Variants in PSME4 observed in about 807,000 individuals in gnomAD.
PSME4 encodes the protein proteasome activator complex subunit 4.
Under a neutral mutation model 253.9 loss-of-function variants are expected in PSME4, and 89 were observed. The ratio of observed to expected loss-of-function variants is 0.35; its 90% CI spans 0.30 to 0.42. PSME4 has a LOEUF of 0.42. Ranked by LOEUF, PSME4 falls within the 10% of genes least tolerant of loss-of-function variation. The pLI is 1.00. For synonymous variants in PSME4, 851 were observed against 759.2 expected (o/e 1.12, Z -1.99); for missense variants, 2,014 against 2,195.2 (o/e 0.92, Z 1.65).
intron 40 of PSME4, among the ~76,000 whole-genome samples, chr2:53,886,191 T>C (rs879874936): frequency 1.3e-5 from 2 of 152,172 alleles, no homozygotes; most frequent in Non-Finnish European, 2.9e-5. Flanking sequence ...GAGGATCCCT[T>C]GAGCTCAGGA....
In PSME4 at chr2:53,934,690, A is replaced by C; in HGVS notation, c.872T>G (p.Val291Gly). Reference sequence around the variant, plus strand: ...TGGGACTAACACTTGACTGCTTCCCACTGGGAGGTTCAAGCTTCTCAGAAT... The same window carrying C: ...TGGGACTAACACTTGACTGCTTCCCCCTGGGAGGTTCAAGCTTCTCAGAAT... ...TRILRSLNLP[V>G]GSSQVLVPRF... Residue 291 changes from valine to glycine, a missense_variant, in exon 8 of 47, where the codon GTG (valine) becomes GGG (glycine). By Grantham distance (109) the Val-to-Gly change is moderately radical. Transcript: ENST00000404125. 6.2e-7 allele frequency: 1 copy of C among 1,604,184 alleles called. No individual in the cohort carries two copies. Among genetic ancestry groups the C allele is most frequent in the Non-Finnish European group, 8.5e-7 (1 of 1,171,328 alleles).
At chr2:53,925,463 G>A in intron 14 of PSME4, 76 bp downstream of exon 14, 5 of 1,295,840 alleles carry the variant, frequency 3.9e-6, no homozygotes, top group Non-Finnish European at 5.2e-6. Context: ...TATACACAAA[G>A]TAACTTGAAG....
intron 3 of PSME4, among the ~76,000 whole-genome samples, chr2:53,941,938 G>C (rs1669474646): frequency 6.6e-6 from 1 of 152,074 alleles, no homozygotes; most frequent in South Asian, 2.1e-4. Context: ...GTCATAAAAG[G>C]CTGCAAAGCT....
chr2:53,906,532 G>T (rs539862127), intron 26 of PSME4, 66 bp downstream of exon 26: 159 of 1,428,194 alleles, frequency 1.1e-4, no homozygotes, highest in Non-Finnish European at 1.4e-4. Flanking sequence ...TCTTAAAAGG[G>T]GGATATTAAG....
chr2:53,890,239 T>G, intron 36 of PSME4, 31 bp from the exon 37 acceptor site: 1 of 1,422,166 alleles, frequency 7.0e-7, no homozygotes, highest in Non-Finnish European at 9.9e-7. Flanking sequence ...GGGTAAGAGT[T>G]AATGACACTC....
At chr2:53,946,264 G>A (rs1309821421) in intron 3 of PSME4, among the ~76,000 whole-genome samples, 4 of 152,234 alleles carry the variant, frequency 2.6e-5, no homozygotes, top group Non-Finnish European at 4.4e-5. Context: ...CTGAAGAACA[G>A]GGTATCACTG....
intron 27 of PSME4, among the ~76,000 whole-genome samples, chr2:53,902,111 G>C (rs745804968): frequency 6.6e-6 from 1 of 152,074 alleles, no homozygotes; most frequent in Non-Finnish European, 1.5e-5. Context: ...TACTAATAAG[G>C]TAATAAAGAA....
intron 34 of PSME4, among the ~76,000 whole-genome samples, chr2:53,894,023 A>G (rs907544355): frequency 2.6e-5 from 4 of 152,186 alleles, no homozygotes; most frequent in African/African-American, 9.7e-5. Flanking sequence ...TTTGAATCCT[A>G]TTTCTCACAC....
intron 20 of PSME4, among the ~76,000 whole-genome samples, chr2:53,911,624 G>C (rs1244517954): frequency 6.6e-6 from 1 of 151,492 alleles, no homozygotes; most frequent in Non-Finnish European, 1.5e-5. Flanking sequence ...GGAAGTGCTT[G>C]CTATGAGCCA....
chr2:53,962,051 G>A (rs901760577), intron 1 of PSME4, among the ~76,000 whole-genome samples: 1 of 152,138 alleles, frequency 6.6e-6, no homozygotes, highest in Admixed American at 6.5e-5. Flanking sequence ...AAGAGGAACA[G>A]GCTATGACCT....
At chr2:53,952,674 C>G (rs1002523270) in intron 1 of PSME4, among the ~76,000 whole-genome samples, 9 of 152,180 alleles carry the variant, frequency 5.9e-5, no homozygotes, top group Non-Finnish European at 1.2e-4. Flanking sequence ...CTTTTTGGTA[C>G]CAGGGAGAAT....
In PSME4 at chr2:53,899,612, G is replaced by C. The variant is rs1452074361; in HGVS notation, c.3422+269C>G. Among the ~76,000 whole-genome samples the C allele has an allele frequency of 2.0e-5, 3 of 151,810 alleles. No individual in the cohort carries two copies. The East Asian group carries it at 5.9e-4, about 30-fold the overall frequency. On this transcript the variant is annotated intron_variant, in intron 29 of 46. Coordinates refer to ENST00000404125, the MANE Select transcript of PSME4 (RefSeq NM_014614.3). ...GTGGGCAGATCACTTGAGGCCAGGAGTTCGAGACCCGCCTGGCCAATGTGG... is the reference window on the plus strand; with the variant it reads ...GTGGGCAGATCACTTGAGGCCAGGACTTCGAGACCCGCCTGGCCAATGTGG...
At chr2:53,923,514 C>A (rs556244097) in intron 14 of PSME4, 95 bp from the exon 15 acceptor site, 2 of 1,394,966 alleles carry the variant, frequency 1.4e-6, no homozygotes, top group Non-Finnish European at 1.9e-6. Context: ...TTAGACAATT[C>A]CAAAAATAAG....
intron 41 of PSME4, among the ~76,000 whole-genome samples, chr2:53,876,813 G>T (rs1229881356): frequency 6.9e-6 from 1 of 145,430 alleles, no homozygotes; most frequent in Non-Finnish European, 1.5e-5. Context: ...CAACTTTCTG[G>T]GGTCGGTGAT....
intron 42 of PSME4, among the ~76,000 whole-genome samples, chr2:53,875,061 G>T (rs977219368): frequency 1.3e-5 from 2 of 152,222 alleles, no homozygotes; most frequent in Non-Finnish European, 2.9e-5. Context: ...GGTAGCAACA[G>T]CAGGGTCTGG....
At chr2:53,913,066 G>C (rs1208064706) in intron 20 of PSME4, among the ~76,000 whole-genome samples, 6 of 152,018 alleles carry the variant, frequency 3.9e-5, no homozygotes, top group African/African-American at 1.4e-4. Flanking sequence ...TCATTCACTA[G>C]TTCATTTTAC....
At chr2:53,959,617 C>T (rs1670391611) in intron 1 of PSME4, among the ~76,000 whole-genome samples, 1 of 152,120 alleles carries the variant, frequency 6.6e-6, no homozygotes, top group South Asian at 2.1e-4. Flanking sequence ...GTAAAAGTAG[C>T]AGAGAAAACT....
At chr2:53,957,402 G>C (rs1204332027) in intron 1 of PSME4, among the ~76,000 whole-genome samples, 2 of 152,104 alleles carry the variant, frequency 1.3e-5, no homozygotes, top group Non-Finnish European at 2.9e-5. Context: ...AACTTAGATG[G>C]TCCCATTGGG....
At position 53,893,683 on chromosome 2, in the gene PSME4, G is replaced by A. The variant is rs805412; in HGVS notation, c.4029C>T (p.Cys1343=). The change falls in exon 35 of 47, where the codon TGC becomes TGT. Residue 1343 remains cysteine, a synonymous_variant. Coordinates refer to ENST00000404125, the MANE Select transcript of PSME4 (RefSeq NM_014614.3). ...GKDKFNPRRF[C]LFKGIFRNFD... ...TAAACAATATAGTTACCTTAAAGAG[G>A]CAAAAACGTCGTGGATTAAACTTAT... 0.45 allele frequency: 716,514 copies of A among 1,607,322 alleles called. 163,115 individuals carry two copies. The highest frequency in any genetic ancestry group is 0.65 in the East Asian group (29,153 of 44,510).
Sources: gnomAD v4.1 joint callset for allele counts (sites outside exome capture counted in the v4.1 genomes callset) on GRCh38, gnomAD v4.1.1 for gene constraint, MANE v1.5 for transcripts, NCBI Gene and HGNC (gene_info 2026-07-23, HGNC 2026-07-21) for gene names.